MTUS1: variants seen among roughly 807,000 people sequenced by gnomAD.
MTUS1 encodes microtubule associated scaffold protein 1.
Under a neutral mutation model 120.8 loss-of-function variants are expected in MTUS1, and 109 were observed. The ratio of observed to expected loss-of-function variants is 0.90; its 90% CI spans 0.77 to 1.06. The LOEUF is 1.06. MTUS1 is among the 50% of genes least tolerant of loss of function. The pLI is 0.00. For synonymous variants in MTUS1, 737 were observed against 550.5 expected, an observed-to-expected ratio of 1.34 and a Z score of -4.74; for missense variants, 2,210 against 1,486.3, an observed-to-expected ratio of 1.49 and a Z score of -8.01.
At chr8:17,679,075 TTA>T (rs1455831057) in intron 7 of MTUS1, among the ~76,000 whole-genome samples, 2 of 152,180 alleles carry the variant, frequency 1.3e-5, no homozygotes, top group Admixed American at 1.3e-4. Context: ...AGTGGGAAAC[TTA>T]TAGTTACTAA....
At chr8:17,674,439 C>T (rs1014289842) in intron 8 of MTUS1, 1 of 979,870 alleles carries the variant, frequency 1.0e-6, no homozygotes, top group African/African-American at 1.8e-5. Flanking sequence ...GAAAAAGAAA[C>T]AGAAAAGAGA....
At chr8:17,715,281 A>C (rs988351759) in intron 5 of MTUS1, among the ~76,000 whole-genome samples, 12 of 152,130 alleles carry the variant, frequency 7.9e-5, no homozygotes, top group African/African-American at 2.2e-4. Context: ...AGTGTATACC[A>C]CATATTTTGT....
At chr8:17,757,904 T>C (rs1295704670) in intron 1 of MTUS1, among the ~76,000 whole-genome samples, 1 of 152,188 alleles carries the variant, frequency 6.6e-6, no homozygotes, top group African/African-American at 2.4e-5. Flanking sequence ...ATGTTCAAGC[T>C]AGGACTGCAA....
chr8:17,676,415 G>T, intron 7 of MTUS1: 1 of 694,036 alleles, frequency 1.4e-6, no homozygotes, highest in East Asian at 2.7e-5. Flanking sequence ...AGTCGGGTCT[G>T]TCTACATTCA....
intron 1 of MTUS1, among the ~76,000 whole-genome samples, chr8:17,772,376 C>T (rs2050083806): frequency 1.3e-5 from 2 of 152,152 alleles, no homozygotes; most frequent in African/African-American, 2.4e-5. Flanking sequence ...CTCGCATTAT[C>T]CAAACTTGAA....
chr8:17,650,643 A>G (rs2130101743), intron 12 of MTUS1, among the ~76,000 whole-genome samples: 1 of 152,274 alleles, frequency 6.6e-6, no homozygotes, highest in Middle Eastern at 3.4e-3. Flanking sequence ...CAGGAGGTCA[A>G]GGCTGCAGTG....
chr8:17,774,970 G>GCA (rs2050297820), intron 1 of MTUS1, among the ~76,000 whole-genome samples: 1 of 17,670 alleles, frequency 5.7e-5, no homozygotes, highest in Non-Finnish European at 1.5e-4. Flanking sequence ...AATATTATAA[G>GCA]TAAAAAAAAA....
intron 8 of MTUS1, among the ~76,000 whole-genome samples, chr8:17,666,636 T>C (rs1271402110): frequency 1.3e-5 from 2 of 152,166 alleles, no homozygotes; most frequent in African/African-American, 4.8e-5. Flanking sequence ...TTGCTTTATT[T>C]TTCTTTGCAG....
At chr8:17,685,151 T>C (rs1015764376) in intron 6 of MTUS1, among the ~76,000 whole-genome samples, 15 of 152,212 alleles carry the variant, frequency 9.9e-5, no homozygotes, top group Non-Finnish European at 2.2e-4. Flanking sequence ...GACTATACTA[T>C]TCCATTTTCT....
At chr8:17,722,176 G>C in intron 4 of MTUS1, 2 of 1,084,174 alleles carry the variant, frequency 1.8e-6, no homozygotes, top group Non-Finnish European at 2.2e-6. Flanking sequence ...AAAAGGAATG[G>C]ACAAAAGCAC....
chr8:17,700,552 T>G (rs1032049193), intron 6 of MTUS1, among the ~76,000 whole-genome samples: 2 of 151,734 alleles, frequency 1.3e-5, no homozygotes, highest in African/African-American at 4.8e-5. Flanking sequence ...TAAAATTTTA[T>G]GCAATGTAGG....
chr8:17,720,212 G>T (rs368101019), intron 4 of MTUS1, among the ~76,000 whole-genome samples: 1 of 152,044 alleles, frequency 6.6e-6, no homozygotes. Context: ...GGGCATGATG[G>T]GGCATGCCTA....
chr8:17,794,855 C>G (rs1294269763), intron 1 of MTUS1, among the ~76,000 whole-genome samples: 1 of 152,152 alleles, frequency 6.6e-6, no homozygotes. Context: ...AGAAACTGCT[C>G]ATATCTATGC....
At chr8:17,708,316 A>G (rs372168637) in intron 6 of MTUS1, among the ~76,000 whole-genome samples, 3 of 152,372 alleles carry the variant, frequency 2.0e-5, no homozygotes, top group East Asian at 3.9e-4. Context: ...TCTCCAAAGA[A>G]GATATACAAA....
intron 1 of MTUS1, among the ~76,000 whole-genome samples, chr8:17,780,673 T>C (rs971901042): frequency 6.6e-6 from 1 of 152,214 alleles, no homozygotes; most frequent in Admixed American, 6.5e-5. Context: ...AAGCCACCAC[T>C]GTCTCTCTCT....
chr8:17,754,080 C>T lies in MTUS1; in HGVS notation c.1728G>A (p.Lys576=). The change falls in exon 2 of 15, where the codon AAG becomes AAA. Residue 576 remains lysine, a synonymous_variant. Transcript: ENST00000693296. The part of the protein sequence containing the change: ...KAEILINKTH[K]QQFNKLITSQ... ...TAGTAATGAGTTTATTAAACTGCTGCTTATGTGTCTTGTTAATTAGAATTT... is the reference window on the plus strand; with the variant it reads ...TAGTAATGAGTTTATTAAACTGCTGTTTATGTGTCTTGTTAATTAGAATTT... 1 of 1,613,840 alleles carries T rather than the reference C, an allele frequency of 6.2e-7. No individual in the cohort carries two copies. Among genetic ancestry groups the T allele is most frequent in the Non-Finnish European group, 8.5e-7 (1 of 1,179,988 alleles).
chr8:17,739,198 A>C (rs980625397), intron 3 of MTUS1, among the ~76,000 whole-genome samples: 1 of 152,154 alleles, frequency 6.6e-6, no homozygotes, highest in African/African-American at 2.4e-5. Flanking sequence ...CTTTATTATT[A>C]AAAATAAAAC....
At chr8:17,798,061 A>G (rs1295693692) in intron 1 of MTUS1, among the ~76,000 whole-genome samples, 1 of 152,190 alleles carries the variant, frequency 6.6e-6, no homozygotes, top group Non-Finnish European at 1.5e-5. Context: ...GACTATAAAA[A>G]GAAGAATCTG....
At chr8:17,667,199 TG>T (rs1262628389) in intron 8 of MTUS1, among the ~76,000 whole-genome samples, 2 of 152,204 alleles carry the variant, frequency 1.3e-5, no homozygotes, top group East Asian at 3.9e-4. Flanking sequence ...AGGGCAGATG[TG>T]GATAGGAAGA....
Sources: gnomAD v4.1 joint callset for allele counts (sites outside exome capture counted in the v4.1 genomes callset) on GRCh38, gnomAD v4.1.1 for gene constraint, MANE v1.5 for transcripts, NCBI Gene and HGNC (gene_info 2026-07-23, HGNC 2026-07-21) for gene names.